The following DDX4 variants were observed in gnomAD, a reference collection of about 807,000 sequenced individuals.
DDX4 encodes the protein probable ATP-dependent RNA helicase DDX4.
DDX4 carries 25 observed loss-of-function variants against 100.0 expected under a neutral mutation model. The ratio of observed to expected loss-of-function variants is 0.25; its 90% confidence interval spans 0.18 to 0.35. The LOEUF is 0.35. Among genes scored for constraint, DDX4 ranks in the 10% least tolerant of loss-of-function variants. DDX4 has a pLI of 1.00. For missense variants in DDX4, 635 were observed against 882.4 expected (o/e 0.72, Z 3.55); for synonymous variants, 259 against 275.7 (o/e 0.94, Z 0.60).
At chr5:55,798,300 C>A in intron 17 of DDX4, 126 bp from the exon 18 acceptor site, 1 of 1,001,982 alleles carries the variant, frequency 1.0e-6, no homozygotes, top group Non-Finnish European at 1.4e-6. Flanking sequence ...AAGTAACCAA[C>A]CATCTTATAG....
At chr5:55,807,957 A>G (rs866440383) in intron 18 of DDX4, among the ~76,000 whole-genome samples, 1 of 152,140 alleles carries the variant, frequency 6.6e-6, no homozygotes, top group African/African-American at 2.4e-5. Context: ...AGGTACACCA[A>G]TCAGATGTAG....
intron 18 of DDX4, among the ~76,000 whole-genome samples, chr5:55,806,057 G>A (rs576546633): frequency 2.0e-5 from 3 of 152,302 alleles, no homozygotes; most frequent in South Asian, 4.1e-4. Context: ...TTTTGGGAGG[G>A]TGTATGTGTC....
chr5:55,784,146 T>A (rs1204058474), intron 10 of DDX4, among the ~76,000 whole-genome samples: 2 of 152,068 alleles, frequency 1.3e-5, no homozygotes, highest in Non-Finnish European at 2.9e-5. Context: ...GGGAAGTTGA[T>A]GGTGTAACTC....
At chr5:55,806,880 T>C (rs1334637998) in intron 18 of DDX4, among the ~76,000 whole-genome samples, 1 of 152,210 alleles carries the variant, frequency 6.6e-6, no homozygotes, top group Admixed American at 6.5e-5. Context: ...TGGATATCCT[T>C]GTTAACTTTC....
At chr5:55,786,965 A>T (rs990619289) in intron 14 of DDX4, among the ~76,000 whole-genome samples, 1 of 152,264 alleles carries the variant, frequency 6.6e-6, no homozygotes, top group African/African-American at 2.4e-5. Context: ...AGCAGAGCTT[A>T]TAAAACAGAG....
chr5:55,765,413 A>AAAAAAATATATAT (rs1392558099), intron 6 of DDX4, among the ~76,000 whole-genome samples: 2 of 83,010 alleles, frequency 2.4e-5, no homozygotes, highest in African/African-American at 5.8e-5. Context: ...AAAAAAAAAA[A>AAAAAAATATATAT]ATATATATAT....
chr5:55,813,493 T>C (rs1744232406), intron 18 of DDX4, among the ~76,000 whole-genome samples, 180 bp from the exon 19 acceptor site: 1 of 152,218 alleles, frequency 6.6e-6, no homozygotes, highest in Admixed American at 6.5e-5. Context: ...AAAACAGTCC[T>C]GTGTCTTTGA....
intron 17 of DDX4, among the ~76,000 whole-genome samples, chr5:55,795,496 G>A (rs1047632138): frequency 3.3e-5 from 5 of 152,186 alleles, no homozygotes; most frequent in East Asian, 1.9e-4. Context: ...TGGGCCAGGC[G>A]CAGTAGCTCA....
chr5:55,816,691 C>A lies in DDX4; in HGVS notation c.*151C>A. On this transcript the variant is annotated 3_prime_UTR_variant, in exon 22 of 22. Transcript: ENST00000505374. ...CACTTAAAAAAAAAATCCTTACTGA[C>A]TAGTTATGTGAGATGCTAAAACTTA... 1 of 1,337,906 alleles carries A rather than the reference C, an allele frequency of 7.5e-7. No individual in the cohort carries two copies. The highest frequency in any genetic ancestry group is 9.9e-7 in the Non-Finnish European group (1 of 1,012,050). 82.9% of individuals were successfully genotyped at this position (1,337,906 alleles called of 1,614,324 possible). A position where few individuals can be genotyped will look rare whatever the true frequency, so the allele number is the denominator to read the frequency against.
chr5:55,771,741 G>A (rs1322391887), intron 7 of DDX4, among the ~76,000 whole-genome samples: 5 of 152,212 alleles, frequency 3.3e-5, no homozygotes, highest in Middle Eastern at 6.8e-3. Context: ...TGGTTGTGTG[G>A]TGGTGTACTC....
At chr5:55,810,635 A>G (rs6863533) in intron 18 of DDX4, among the ~76,000 whole-genome samples, 8,855 of 152,080 alleles carry the variant, frequency 0.058, 344 homozygotes, top group African/African-American at 0.11. Flanking sequence ...TGGTTTGACA[A>G]CTCTTACCAT....
At chr5:55,790,555 A>G (rs1423026260) in intron 15 of DDX4, 21 bp from the exon 16 acceptor site, 4 of 1,518,656 alleles carry the variant, frequency 2.6e-6, no homozygotes, top group East Asian at 2.3e-5. Context: ...AGAAAATAAC[A>G]TTTAGTTTTC....
At chr5:55,744,372 C>G (rs1357406454) in intron 2 of DDX4, among the ~76,000 whole-genome samples, 1 of 152,070 alleles carries the variant, frequency 6.6e-6, no homozygotes, top group African/African-American at 2.4e-5. Flanking sequence ...TTCTGATTGT[C>G]ATGTGCAAGA....
Position 55,781,102 on chromosome 5 carries a change from C to T in DDX4, c.533C>T (p.Thr178Ile), listed in dbSNP as rs1186753458. The T allele has an allele frequency of 6.2e-7, 1 of 1,612,810 alleles. No individual in the cohort carries two copies. Among genetic ancestry groups the T allele is most frequent in the East Asian group, 2.2e-5 (1 of 44,814 alleles). The change falls in exon 9 of 22, where the codon ACT becomes ATT. Residue 178 changes from threonine (T) to isoleucine (I), a missense_variant. This residue lies in a region of DDX4 where 446 missense variants were observed against 540.8 expected (regional missense o/e 0.82). Coordinates refer to ENST00000505374, the MANE Select transcript of DDX4 (RefSeq NM_024415.3). ...GACCCAGACGAATGTATGCAGCGCA[C>T]TGGTGGCCTTTTTGGTTCTAGAAGA... ...DLDPDECMQRTGGLFGSRRPV... is the reference protein window; with the variant it reads ...DLDPDECMQRIGGLFGSRRPV...
At chr5:55,771,693 C>T (rs569805261) in intron 7 of DDX4, among the ~76,000 whole-genome samples, 1 of 152,234 alleles carries the variant, frequency 6.6e-6, no homozygotes, top group African/African-American at 2.4e-5. Flanking sequence ...CTAACCAATG[C>T]TTGGTATTTT....
chr5:55,783,236 T>TC (rs1216390276), intron 10 of DDX4, among the ~76,000 whole-genome samples: 1 of 152,018 alleles, frequency 6.6e-6, no homozygotes, highest in Non-Finnish European at 1.5e-5. Flanking sequence ...GAGTGACATT[T>TC]CCCCCACCCC....
intron 18 of DDX4, among the ~76,000 whole-genome samples, chr5:55,806,003 C>T (rs1743683047): frequency 6.6e-6 from 1 of 152,234 alleles, no homozygotes; most frequent in Non-Finnish European, 1.5e-5. Context: ...AATTTCAGAG[C>T]CTGTTATTCG....
intron 15 of DDX4, among the ~76,000 whole-genome samples, chr5:55,789,102 T>C (rs78324098): frequency 0.069 from 10,459 of 152,254 alleles, 557 homozygotes; most frequent in African/African-American, 0.15. Flanking sequence ...AGTATTTTCT[T>C]AGAATAGAGT....
At position 55,770,284 on chromosome 5, in the gene DDX4, A is replaced by G. The variant is rs140407356; in HGVS notation, c.394+2344A>G. Among the ~76,000 whole-genome samples the G allele has an allele frequency of 4.7e-3, 718 of 152,258 alleles. 7 individuals carry two copies. Among genetic ancestry groups the G allele is most frequent in the African/African-American group, 0.017 (702 of 41,546 alleles). Reference sequence around the variant, plus strand: ...ACAATGTGAATCTTGGTCAGTTGCAATTTAGATGAACTGGGGATGTCTTTG... The same window carrying G: ...ACAATGTGAATCTTGGTCAGTTGCAGTTTAGATGAACTGGGGATGTCTTTG... On this transcript the variant is annotated intron_variant, in intron 7 of 21. Coordinates refer to ENST00000505374, the MANE Select transcript of DDX4 (RefSeq NM_024415.3).
Sources: allele counts gnomAD v4.1 joint callset (sites outside exome capture counted in the v4.1 genomes callset), GRCh38; gene constraint gnomAD v4.1.1; regional missense constraint gnomAD v4.1.1; transcripts MANE v1.5; gene names NCBI Gene and HGNC (gene_info 2026-07-23, HGNC 2026-07-21).